Variants in APOBEC2 observed in about 807,000 individuals in gnomAD.
APOBEC2 encodes the protein C->U-editing enzyme APOBEC-2.
APOBEC2 carries 14 observed loss-of-function variants against 19.4 expected under a neutral mutation model. The ratio of observed to expected loss-of-function variants is 0.72; its 90% CI spans 0.48 to 1.13. APOBEC2 has a LOEUF of 1.13. APOBEC2 is among the 50% of genes most tolerant of loss of function. The pLI is 0.00. For missense variants in APOBEC2, 304 were observed against 277.0 expected, an observed-to-expected ratio of 1.10 and a Z score of -0.69; for synonymous variants, 127 against 112.1, an observed-to-expected ratio of 1.13 and a Z score of -0.84.
Position 41,061,629 on chromosome 6 carries a change from C to G in APOBEC2, c.433C>G (p.Leu145Val). The G allele has an allele frequency of 6.2e-7, 1 of 1,614,236 alleles. No homozygotes were observed. Among genetic ancestry groups the G allele is most frequent in the Non-Finnish European group, 8.5e-7 (1 of 1,180,040 alleles). ...CAAAACCCTTAGCAAGACCAAGAAC[C>G]TGCGTCTGCTCATTCTGGTGGGTCG... ...IIKTLSKTKN[L>V]RLLILVGRLF... is the part of the protein sequence containing the mutation. The change falls in exon 2 of 3, where the codon CTG becomes GTG. Residue 145 changes from leucine (L) to valine (V), a missense_variant. Physicochemically the swap from Leu to Val is conservative, Grantham distance 32. Transcript: ENST00000244669.
intron 1 of APOBEC2, 125 bp downstream of exon 1, chr6:41,053,603 G>C (rs935580634): frequency 2.1e-6 from 3 of 1,411,904 alleles, no homozygotes; most frequent in Middle Eastern, 2.1e-4. Context: ...CAGTGAGAGT[G>C]CACCAGTGGG....
At chr6:41,062,894 GC>G (rs1450881827) in intron 2 of APOBEC2, among the ~76,000 whole-genome samples, 2 of 152,052 alleles carry the variant, frequency 1.3e-5, no homozygotes, top group East Asian at 3.9e-4. Flanking sequence ...CCTTTGCAAG[GC>G]CCCAGTTACT....
chr6:41,062,025 G>A lies in APOBEC2; in HGVS notation c.*21+133G>A. Reference sequence around the variant, plus strand: ...TTCATTTCTCTGCTTTTGACTGGTTGCAAAAATAGTTTAGAACATGTCTCT... The same window carrying A: ...TTCATTTCTCTGCTTTTGACTGGTTACAAAAATAGTTTAGAACATGTCTCT... On this transcript the variant is annotated intron_variant, in intron 2 of 2. Coordinates refer to ENST00000244669, the MANE Select transcript of APOBEC2 (RefSeq NM_006789.4). 3 of 855,526 alleles carry A rather than the reference G, an allele frequency of 3.5e-6. No homozygotes were observed. In the African/African-American group the frequency reaches 5.1e-5, roughly 15 times the overall value. The allele number at this position is 855,526 out of a possible 1,614,324, so 53.0% of individuals were successfully genotyped here.
At chr6:41,062,355 T>G (rs1762887758) in intron 2 of APOBEC2, among the ~76,000 whole-genome samples, 1 of 152,250 alleles carries the variant, frequency 6.6e-6, no homozygotes. Context: ...TGAATGTTTT[T>G]TAGTCCTTCA....
At chr6:41,058,427 TCA>T (rs1046492735) in intron 1 of APOBEC2, among the ~76,000 whole-genome samples, 11 of 114,428 alleles carry the variant, frequency 9.6e-5, no homozygotes, top group Admixed American at 2.6e-4. Context: ...ACACACACAC[TCA>T]CACACACACA....
intron 1 of APOBEC2, among the ~76,000 whole-genome samples, chr6:41,059,738 G>A (rs1025666468): frequency 6.6e-6 from 1 of 152,260 alleles, no homozygotes; most frequent in Middle Eastern, 3.4e-3. Context: ...GAATCCTGCA[G>A]GGAAATAAGT....
At chr6:41,053,873 C>A (rs1762762012) in intron 1 of APOBEC2, among the ~76,000 whole-genome samples, 1 of 152,230 alleles carries the variant, frequency 6.6e-6, no homozygotes, top group African/African-American at 2.4e-5. Flanking sequence ...CCCTTCCCCT[C>A]AACTTCTCTG....
rs751497886 is a variant in APOBEC2 at position 41,061,645 on chromosome 6, T to C, written c.449T>C (p.Leu150Pro). 30 of 1,614,130 alleles carry C rather than the reference T, an allele frequency of 1.9e-5. No homozygotes were observed. The highest frequency in any genetic ancestry group is 2.5e-5 in the Non-Finnish European group (29 of 1,180,044). The part of the protein sequence containing the change: ...SKTKNLRLLI[L>P]VGRLFMWEEP... ...ACCAAGAACCTGCGTCTGCTCATTC[T>C]GGTGGGTCGACTCTTCATGTGGGAG... The change falls in exon 2 of 3, where the codon CTG (leucine) becomes CCG (proline). Residue 150 changes from leucine (L) to proline (P), a missense_variant. By Grantham distance (98) the Leu-to-Pro change is moderately conservative. Transcript: ENST00000244669.
At chr6:41,055,269 G>A (rs1414820838) in intron 1 of APOBEC2, among the ~76,000 whole-genome samples, 1 of 152,172 alleles carries the variant, frequency 6.6e-6, no homozygotes, top group Admixed American at 6.5e-5. Context: ...CTGGGAGGTA[G>A]TGAGGACCCA....
Position 41,061,562 on chromosome 6 carries a change from T to C in APOBEC2, c.366T>C (p.Tyr122=), listed in dbSNP as rs1483935276. Residue 122 remains tyrosine, a synonymous_variant, in exon 2 of 3, where the codon TAT becomes TAC. Transcript: ENST00000244669. ...CCCTGCGGTACAATGTCACCTGGTA[T>C]GTGTCCTCCAGCCCCTGTGCAGCGT... ...DPALRYNVTW[Y]VSSSPCAACA... 8 of 1,614,224 alleles carry C rather than the reference T, an allele frequency of 5.0e-6. No homozygotes were observed. The highest frequency in any genetic ancestry group is 3.3e-5 in the Admixed American group (2 of 60,030).
rs2114030539 is a variant in APOBEC2 at position 41,061,640 on chromosome 6, C to T, written c.444C>T (p.Leu148=). The T allele has an allele frequency of 1.2e-6, 2 of 1,614,260 alleles. No homozygotes were observed. The highest frequency in any genetic ancestry group is 2.2e-5 in the East Asian group (1 of 44,892). The change falls in exon 2 of 3, where the codon CTC becomes CTT. Residue 148 remains leucine, a synonymous_variant. Transcript: ENST00000244669. The part of the protein sequence containing the change: ...TLSKTKNLRL[L]ILVGRLFMWE... Reference sequence around the variant, plus strand: ...GCAAGACCAAGAACCTGCGTCTGCTCATTCTGGTGGGTCGACTCTTCATGT... The same window carrying T: ...GCAAGACCAAGAACCTGCGTCTGCTTATTCTGGTGGGTCGACTCTTCATGT...
intron 1 of APOBEC2, among the ~76,000 whole-genome samples, chr6:41,058,254 C>G (rs1318764728): frequency 7.0e-6 from 1 of 143,662 alleles, no homozygotes; most frequent in Non-Finnish European, 1.5e-5. Context: ...TCTCTACTGA[C>G]CACCACCCAC....
intron 1 of APOBEC2, among the ~76,000 whole-genome samples, chr6:41,059,431 T>A (rs1762845353): frequency 1.3e-5 from 2 of 152,102 alleles, no homozygotes; most frequent in Non-Finnish European, 2.9e-5. Context: ...ACTGGTAAAG[T>A]TGAGGAGTGG....
chr6:41,057,300 C>T (rs1477295844), intron 1 of APOBEC2, among the ~76,000 whole-genome samples: 2 of 152,112 alleles, frequency 1.3e-5, no homozygotes, highest in African/African-American at 2.4e-5. Context: ...CTCTGGAGCA[C>T]GCTGGGTGGT....
chr6:41,059,722 G>A (rs1762848380), intron 1 of APOBEC2, among the ~76,000 whole-genome samples: 1 of 152,170 alleles, frequency 6.6e-6, no homozygotes, highest in African/African-American at 2.4e-5. Flanking sequence ...ATGGGTGGGG[G>A]TGAGGGAATC....
In APOBEC2 at chr6:41,061,582, C is replaced by T. The variant is rs763613589; in HGVS notation, c.386C>T (p.Ala129Val). 1 of 1,614,242 alleles carries T rather than the reference C, an allele frequency of 6.2e-7. No homozygotes were observed. Among genetic ancestry groups the T allele is most frequent in the Non-Finnish European group, 8.5e-7 (1 of 1,180,046 alleles). ...TGGTATGTGTCCTCCAGCCCCTGTG[C>T]AGCGTGTGCTGACCGCATTATCAAA... ...VTWYVSSSPC[A>V]ACADRIIKTL... The change falls in exon 2 of 3, where the codon GCA (alanine) becomes GTA (valine). Residue 129 changes from alanine to valine, a missense_variant. By Grantham distance (64) the Ala-to-Val change is moderately conservative. Coordinates refer to ENST00000244669, the MANE Select transcript of APOBEC2 (RefSeq NM_006789.4).
In APOBEC2 at chr6:41,053,451, A is replaced by T. The variant is rs767302926; in HGVS notation, c.104A>T (p.Glu35Val). The change falls in exon 1 of 3, where the codon GAG (glutamate) becomes GTG (valine). Residue 35 changes from glutamate (E) to valine (V), a missense_variant. Coordinates refer to ENST00000244669, the MANE Select transcript of APOBEC2 (RefSeq NM_006789.4). ...CCTGAGAAGCTGAAAGAGCTGATTG[A>T]GCTGCCGCCCTTTGAGATTGTCACA... ...DDPEKLKELI[E>V]LPPFEIVTGE... The T allele has an allele frequency of 6.2e-7, 1 of 1,614,200 alleles. No individual in the cohort carries two copies. The highest frequency in any genetic ancestry group is 8.5e-7 in the Non-Finnish European group (1 of 1,180,032).
Position 41,061,382 on chromosome 6 carries a change from T to C in APOBEC2, c.186T>C (p.Ser62=). ...FKFQFRNVEY[S]SGRNKTFLCY... ...TCCAGTTCCGGAATGTGGAGTACAG[T>C]TCCGGGAGGAACAAGACCTTCCTCT... Residue 62 remains serine (S), a synonymous_variant, in exon 2 of 3, where the codon AGT becomes AGC. Transcript: ENST00000244669. 1 of 1,581,628 alleles carries C rather than the reference T, an allele frequency of 6.3e-7. No homozygotes were observed. The highest frequency in any genetic ancestry group is 1.8e-5 in the Admixed American group (1 of 55,650).
At chr6:41,061,953 G>A in intron 2 of APOBEC2, 61 bp downstream of exon 2, 6 of 1,434,930 alleles carry the variant, frequency 4.2e-6, no homozygotes, top group Non-Finnish European at 5.6e-6. Flanking sequence ...TAGAAGGTGT[G>A]AGGTCAGGTA....
Sources: allele counts gnomAD v4.1 joint callset (sites outside exome capture counted in the v4.1 genomes callset), GRCh38; gene constraint gnomAD v4.1.1; transcripts MANE v1.5; gene names NCBI Gene and HGNC (gene_info 2026-07-23, HGNC 2026-07-21).